Variants in EVI5 observed in about 807,000 individuals in gnomAD.
EVI5 encodes ecotropic viral integration site 5 protein homolog.
EVI5 carries 73 observed loss-of-function variants against 112.0 expected under a neutral mutation model. The observed-to-expected ratio is 0.65, with a 90% CI of 0.54 to 0.79. The LOEUF is 0.79. EVI5 is among the 30% of genes least tolerant of loss of function. The pLI is 0.00. For synonymous variants in EVI5, 305 were observed against 319.9 expected, an observed-to-expected ratio of 0.95 and a Z score of 0.50; for missense variants, 900 against 968.8, an observed-to-expected ratio of 0.93 and a Z score of 0.94.
At chr1:92,701,097 T>C (rs747361592) in intron 5 of EVI5, among the ~76,000 whole-genome samples, 2 of 152,202 alleles carry the variant, frequency 1.3e-5, no homozygotes, top group Non-Finnish European at 2.9e-5. Context: ...TTATTTTTAT[T>C]ATAAATCAGT....
Position 92,619,301 on chromosome 1 carries a change from C to T in EVI5, c.1827+4875G>A, listed in dbSNP as rs1653976791. Among the ~76,000 whole-genome samples the T allele has an allele frequency of 2.6e-5, 4 of 152,126 alleles. No homozygotes were observed. The South Asian group carries it at 8.3e-4, about 32-fold the overall frequency. On this transcript the variant is annotated intron_variant, in intron 16 of 19. Coordinates refer to ENST00000684568, the MANE Select transcript of EVI5 (RefSeq NM_001350197.2). ...ACTGGCCCAGCCTATATCTTTCCCC[C>T]ATCCTGGATGCTTCCTGTCCTTGAA...
At chr1:92,766,871 C>G (rs1196185941) in intron 1 of EVI5, among the ~76,000 whole-genome samples, 1 of 152,122 alleles carries the variant, frequency 6.6e-6, no homozygotes, top group East Asian at 1.9e-4. Context: ...CACTTGAGGT[C>G]AGGAGTTTGA....
At chr1:92,541,378 T>A (rs897859217) in intron 19 of EVI5, among the ~76,000 whole-genome samples, 3 of 152,196 alleles carry the variant, frequency 2.0e-5, no homozygotes, top group Admixed American at 6.5e-5. Flanking sequence ...CCAATAAGCA[T>A]ATGAAAACAT....
At chr1:92,666,219 C>A (rs547108925) in intron 10 of EVI5, among the ~76,000 whole-genome samples, 1 of 152,030 alleles carries the variant, frequency 6.6e-6, no homozygotes, top group East Asian at 1.9e-4. Context: ...CGGCAGATGG[C>A]TTGAGCTCAG....
chr1:92,563,558 C>A, intron 19 of EVI5, 84 bp downstream of exon 19: 1 of 617,620 alleles, frequency 1.6e-6, no homozygotes, highest in Non-Finnish European at 2.8e-6. Flanking sequence ...ATGAAAGTGT[C>A]AGTCTTATAA....
intron 2 of EVI5, among the ~76,000 whole-genome samples, chr1:92,731,532 G>A (rs1461328718): frequency 4.6e-5 from 7 of 152,258 alleles, no homozygotes; most frequent in South Asian, 2.1e-4. Flanking sequence ...TTCAGCAGGC[G>A]TTTTTGTAGA....
intron 1 of EVI5, among the ~76,000 whole-genome samples, chr1:92,750,129 C>A (rs1679950853): frequency 6.6e-6 from 1 of 151,842 alleles, no homozygotes; most frequent in Non-Finnish European, 1.5e-5. Context: ...AGGATACAAA[C>A]AAAGATCATG....
chr1:92,697,689 T>C (rs532414192), intron 6 of EVI5, among the ~76,000 whole-genome samples, 171 bp downstream of exon 6: 2 of 152,336 alleles, frequency 1.3e-5, no homozygotes, highest in South Asian at 4.1e-4. Context: ...ATCTACCTAA[T>C]TTGAAGGGTC....
chr1:92,557,290 CT>C (rs1365335495), intron 19 of EVI5, among the ~76,000 whole-genome samples: 1 of 147,390 alleles, frequency 6.8e-6, no homozygotes, highest in Non-Finnish European at 1.5e-5. Flanking sequence ...TTTTCTTTTT[CT>C]TTTTTTGTTT....
At chr1:92,563,084 A>C (rs1319331993) in intron 19 of EVI5, among the ~76,000 whole-genome samples, 5 of 152,202 alleles carry the variant, frequency 3.3e-5, no homozygotes, top group African/African-American at 4.8e-5. Flanking sequence ...TAAATTACTC[A>C]GTATAGTACT....
intron 14 of EVI5, among the ~76,000 whole-genome samples, chr1:92,627,128 T>G (rs1340338365): frequency 1.3e-5 from 2 of 152,344 alleles, no homozygotes; most frequent in Non-Finnish European, 2.9e-5. Context: ...CAGTATACAC[T>G]GCACCTTATT....
chr1:92,538,232 C>G (rs1664211417), intron 19 of EVI5, among the ~76,000 whole-genome samples: 1 of 152,248 alleles, frequency 6.6e-6, no homozygotes, highest in South Asian at 2.1e-4. Flanking sequence ...TTAGAAGGTA[C>G]TCTAAGGTCA....
chr1:92,546,993 C>T (rs568365056), intron 19 of EVI5, among the ~76,000 whole-genome samples: 1 of 152,166 alleles, frequency 6.6e-6, no homozygotes, highest in African/African-American at 2.4e-5. Context: ...CTGCACCAAG[C>T]GAACCTAACA....
intron 13 of EVI5, among the ~76,000 whole-genome samples, chr1:92,645,185 T>G (rs1008944295): frequency 1.3e-5 from 2 of 152,196 alleles, no homozygotes; most frequent in African/African-American, 2.4e-5. Flanking sequence ...CATACATTCC[T>G]AAACACATAC....
intron 18 of EVI5, among the ~76,000 whole-genome samples, chr1:92,592,026 A>G (rs1050790050): frequency 9.9e-5 from 15 of 152,128 alleles, no homozygotes; most frequent in African/African-American, 3.6e-4. Context: ...GGCGGTTCAC[A>G]AGGTCAGGAG....
chr1:92,628,749 A>C (rs941287182), intron 14 of EVI5, among the ~76,000 whole-genome samples: 1 of 152,218 alleles, frequency 6.6e-6, no homozygotes, highest in Non-Finnish European at 1.5e-5. Flanking sequence ...GATTCTATGA[A>C]ATTTTCTATC....
chr1:92,524,940 G>A (rs902004799), intron 19 of EVI5, among the ~76,000 whole-genome samples: 1 of 149,960 alleles, frequency 6.7e-6, no homozygotes, highest in South Asian at 2.1e-4. Context: ...CAATTCTCCT[G>A]CCTCAGCCTC....
intron 18 of EVI5, among the ~76,000 whole-genome samples, chr1:92,573,727 G>A (rs1670636647): frequency 6.6e-6 from 1 of 152,114 alleles, no homozygotes; most frequent in Middle Eastern, 3.4e-3. Context: ...ACAGAGGTTG[G>A]TTCAATTTTG....
chr1:92,739,552 C>T (rs1678020300), intron 1 of EVI5, among the ~76,000 whole-genome samples: 1 of 151,838 alleles, frequency 6.6e-6, no homozygotes, highest in Non-Finnish European at 1.5e-5. Flanking sequence ...ATAATAAATG[C>T]CACTGAATTA....
Sources: gnomAD v4.1 joint callset for allele counts (sites outside exome capture counted in the v4.1 genomes callset) on GRCh38, gnomAD v4.1.1 for gene constraint, MANE v1.5 for transcripts, NCBI Gene and HGNC (gene_info 2026-07-23, HGNC 2026-07-21) for gene names.